Variants in PRELID2 observed in about 807,000 individuals in gnomAD.
PRELID2 encodes the protein PRELI domain-containing protein 2.
PRELID2 carries 25 observed loss-of-function variants against 28.4 expected under a neutral mutation model. The observed-to-expected ratio is 0.88, with a 90% CI of 0.64 to 1.23. PRELID2 has a LOEUF of 1.23. PRELID2 is among the 50% of genes most tolerant of loss of function. PRELID2 has a pLI of 0.00. For missense variants in PRELID2, 201 were observed against 214.4 expected, an observed-to-expected ratio of 0.94 and a Z score of 0.39; for synonymous variants, 76 against 71.6, an observed-to-expected ratio of 1.06 and a Z score of -0.31.
chr5:145,268,922 G>A, the PRELID2 span, among the ~76,000 whole-genome samples: 3 of 151,826 alleles, frequency 2.0e-5, no homozygotes, highest in African/African-American at 7.3e-5. Flanking sequence ...ATTTAAAACA[G>A]TATTGTTTGT....
At chr5:145,625,874 T>C (rs1239490999) in intron 1 of PRELID2, among the ~76,000 whole-genome samples, 2 of 152,158 alleles carry the variant, frequency 1.3e-5, no homozygotes, top group Non-Finnish European at 2.9e-5. Flanking sequence ...TTGTTGGCTC[T>C]ACTTTCAAAA....
chr5:145,605,858 G>A (rs189991790), intron 1 of PRELID2, among the ~76,000 whole-genome samples: 27 of 151,928 alleles, frequency 1.8e-4, no homozygotes, highest in East Asian at 5.8e-4. Flanking sequence ...TGCTTTGAGC[G>A]GGATGGCCAT....
the PRELID2 span, among the ~76,000 whole-genome samples, chr5:145,408,464 A>AAC: frequency 6.8e-6 from 1 of 146,448 alleles, no homozygotes; most frequent in Non-Finnish European, 1.5e-5. Flanking sequence ...ATATATGTAT[A>AAC]ATATATATAT....
chr5:145,544,190 T>A (rs1024776112), intron 1 of PRELID2, among the ~76,000 whole-genome samples: 1 of 152,064 alleles, frequency 6.6e-6, no homozygotes, highest in African/African-American at 2.4e-5. Flanking sequence ...TTCACGCCCA[T>A]GTCCACTATG....
intron 5 of PRELID2, among the ~76,000 whole-genome samples, chr5:145,768,050 C>A (rs1757875410): frequency 6.6e-6 from 1 of 151,788 alleles, no homozygotes; most frequent in African/African-American, 2.4e-5. Context: ...CATGGTGAAA[C>A]CCCGTCTCTA....
At chr5:145,783,434 G>A (rs1192016267) in intron 5 of PRELID2, among the ~76,000 whole-genome samples, 1 of 152,230 alleles carries the variant, frequency 6.6e-6, no homozygotes, top group South Asian at 2.1e-4. Context: ...AGAGGTAATA[G>A]TAGTAGCAGG....
the PRELID2 span, among the ~76,000 whole-genome samples, chr5:145,335,323 T>A: frequency 6.6e-6 from 1 of 152,002 alleles, no homozygotes; most frequent in East Asian, 1.9e-4. Flanking sequence ...TTTTAATCAT[T>A]TATATCTCTT....
At chr5:145,791,355 CAAA>C (rs1285645540) in intron 5 of PRELID2, among the ~76,000 whole-genome samples, 1 of 152,008 alleles carries the variant, frequency 6.6e-6, no homozygotes, top group East Asian at 1.9e-4. Flanking sequence ...ACTAGACAAA[CAAA>C]ATGTGATATA....
the PRELID2 span, among the ~76,000 whole-genome samples, chr5:145,299,644 C>CGTGTGTGT: frequency 0.062 from 6,780 of 109,328 alleles, 288 homozygotes; most frequent in African/African-American, 0.12. Flanking sequence ...TATGTGTGTG[C>CGTGTGTGT]GTGTGTGTGT....
chr5:145,368,793 TG>T, the PRELID2 span, among the ~76,000 whole-genome samples: 273 of 151,938 alleles, frequency 1.8e-3, 6 homozygotes, highest in East Asian at 0.043. Context: ...TCATTTTTTT[TG>T]TTGTTGTTTT....
the PRELID2 span, among the ~76,000 whole-genome samples, chr5:145,261,986 A>C: frequency 6.6e-6 from 1 of 152,298 alleles, no homozygotes; most frequent in East Asian, 1.9e-4. Context: ...TGAAATAGAC[A>C]GCATAGATAA....
chr5:145,697,080 TAC>T (rs1491186707), intron 1 of PRELID2, among the ~76,000 whole-genome samples: 41 of 85,940 alleles, frequency 4.8e-4, no homozygotes, highest in East Asian at 7.0e-4. Flanking sequence ...TATATATATA[TAC>T]ACACACACAC....
chr5:145,488,586 A>C (rs908901203), intron 1 of PRELID2, among the ~76,000 whole-genome samples: 4 of 152,238 alleles, frequency 2.6e-5, no homozygotes, highest in Non-Finnish European at 5.9e-5. Context: ...CATAAAAATC[A>C]AATAAAAACA....
the PRELID2 span, among the ~76,000 whole-genome samples, chr5:145,347,216 G>A: frequency 6.6e-6 from 1 of 152,170 alleles, no homozygotes; most frequent in East Asian, 1.9e-4. Context: ...GGCGAAGCTA[G>A]ATCTGTGTCT....
the PRELID2 span, among the ~76,000 whole-genome samples, chr5:145,390,199 T>C: frequency 1.1e-4 from 17 of 152,172 alleles, no homozygotes; most frequent in African/African-American, 3.9e-4. Flanking sequence ...AGTTGAAGCA[T>C]GAAGGATTAG....
chr5:145,641,175 T>C (rs140659827), intron 1 of PRELID2, among the ~76,000 whole-genome samples: 202 of 152,066 alleles, frequency 1.3e-3, no homozygotes, highest in African/African-American at 4.7e-3. Flanking sequence ...AACCTAACAG[T>C]TCCTCTCAAC....
chr5:145,291,335 C>CACAAAAAAAAAA, the PRELID2 span, among the ~76,000 whole-genome samples: 8 of 57,474 alleles, frequency 1.4e-4, no homozygotes, highest in African/African-American at 7.6e-4. Context: ...GACTCTGTTT[C>CACAAAAAAAAAA]AGAAAAAAAA....
intron 1 of PRELID2, among the ~76,000 whole-genome samples, chr5:145,557,874 A>G (rs1752894095): frequency 6.6e-6 from 1 of 152,204 alleles, no homozygotes; most frequent in African/African-American, 2.4e-5. Flanking sequence ...TTTTCTTTTT[A>G]AAATTTGGGA....
chr5:145,279,334 C>G, the PRELID2 span, among the ~76,000 whole-genome samples: 1 of 152,200 alleles, frequency 6.6e-6, no homozygotes, highest in Non-Finnish European at 1.5e-5. Context: ...CATCCCTGAT[C>G]TAGCAGATTC....
Sources: gnomAD v4.1 joint callset for allele counts (sites outside exome capture counted in the v4.1 genomes callset) on GRCh38, gnomAD v4.1.1 for gene constraint, MANE v1.5 for transcripts, NCBI Gene and HGNC (gene_info 2026-07-23, HGNC 2026-07-21) for gene names.